GMDS: variants seen among roughly 807,000 people sequenced by gnomAD.
The protein encoded by GMDS is GDP-mannose 4,6-dehydratase.
Under a neutral mutation model 49.9 loss-of-function variants are expected in GMDS, and 20 were observed. That is an observed-to-expected ratio of 0.40 (90% CI 0.28 to 0.58). The LOEUF (loss-of-function observed/expected upper bound fraction) is 0.58. Ranked by LOEUF, GMDS falls within the 20% of genes least tolerant of loss-of-function variation. The pLI, the probability that GMDS is intolerant of heterozygous loss-of-function variation, is 0.42. For missense variants in GMDS, 362 were observed against 481.4 expected, an observed-to-expected ratio of 0.75 and a Z score of 2.32; for synonymous variants, 177 against 178.6, an observed-to-expected ratio of 0.99 and a Z score of 0.07.
intron 4 of GMDS, among the ~76,000 whole-genome samples, chr6:1,963,808 C>T (rs868118412): frequency 2.6e-5 from 4 of 152,252 alleles, no homozygotes; most frequent in Admixed American, 6.5e-5. Context: ...TTCCCCTGGC[C>T]GTAGTTTCCT....
intron 4 of GMDS, among the ~76,000 whole-genome samples, chr6:2,072,512 T>C (rs972677242): frequency 6.6e-6 from 1 of 152,196 alleles, no homozygotes; most frequent in Non-Finnish European, 1.5e-5. Context: ...TTTAGTTTCA[T>C]AGGAGTAGGG....
At chr6:2,115,726 A>G (rs146636664) in intron 4 of GMDS, 45 bp downstream of exon 4, 74 of 974,176 alleles carry the variant, frequency 7.6e-5, no homozygotes, top group Non-Finnish European at 1.2e-4. Context: ...AAAATACAGA[A>G]CGCCACAGAA....
intron 1 of GMDS, among the ~76,000 whole-genome samples, chr6:2,236,221 A>C (rs1167182561): frequency 9.2e-5 from 14 of 152,200 alleles, no homozygotes; most frequent in Non-Finnish European, 4.4e-5. Flanking sequence ...AGACCCACCC[A>C]GCCACCGTGT....
chr6:1,904,175 AC>A (rs1760640062), intron 7 of GMDS, among the ~76,000 whole-genome samples: 1 of 152,164 alleles, frequency 6.6e-6, no homozygotes, highest in Admixed American at 6.5e-5. Context: ...CCATTTTAAA[AC>A]CCTAAGATTT....
intron 9 of GMDS, among the ~76,000 whole-genome samples, chr6:1,699,866 G>A (rs577734938): frequency 4.4e-4 from 67 of 152,266 alleles, no homozygotes; most frequent in African/African-American, 1.6e-3. Flanking sequence ...GCAGCACGCC[G>A]TCTGCTGTGA....
chr6:1,833,735 G>A lies in GMDS; in HGVS notation c.772-91149C>T, dbSNP rs1756787999. 6.6e-6 allele frequency among the ~76,000 whole-genome samples: 1 copy of A among 152,142 alleles called. No individual in the cohort carries two copies. The highest frequency in any genetic ancestry group is 6.5e-5 in the Admixed American group (1 of 15,278). On this transcript the variant is annotated intron_variant, in intron 7 of 10. Transcript: ENST00000380815. The surrounding 1 kb of genome is among the most constrained non-coding windows in gnomAD (Gnocchi z 4.4). ...TTAAAAAACCATTTTCACATGGAAG[G>A]GCAGTGGGTTGAAAGATCCTCATTA...
chr6:1,809,141 A>G (rs1424765986), intron 7 of GMDS, among the ~76,000 whole-genome samples: 3 of 152,214 alleles, frequency 2.0e-5, no homozygotes, highest in Non-Finnish European at 4.4e-5. Flanking sequence ...TTTTTTCAAC[A>G]TAAATTCATT....
Position 1,639,176 on chromosome 6 carries a change from G to A in GMDS, c.988-14636C>T, listed in dbSNP as rs6901730. On this transcript the variant is annotated intron_variant, in intron 9 of 10. Transcript: ENST00000380815. ...GAGCAGGAGCGGAGGAGAGAGGGCT[G>A]TGTGGTGGCCTCCACAACGCACCAT... Among the ~76,000 whole-genome samples, 342 of 152,276 alleles carry A rather than the reference G, an allele frequency of 2.2e-3. 2 individuals are homozygous for A. Among genetic ancestry groups the A allele is most frequent in the African/African-American group, 7.9e-3 (329 of 41,558 alleles).
At chr6:2,106,268 A>G (rs1298054208) in intron 4 of GMDS, among the ~76,000 whole-genome samples, 1 of 152,248 alleles carries the variant, frequency 6.6e-6, no homozygotes, top group Non-Finnish European at 1.5e-5. Flanking sequence ...AGTACAAAGT[A>G]GCAGAAAAAA....
In GMDS at chr6:2,115,757, A is replaced by G. The variant is rs765962520; in HGVS notation, c.345+14T>C. The G allele has an allele frequency of 1.0e-5, 14 of 1,355,170 alleles. No homozygotes were observed. The highest frequency in any genetic ancestry group is 2.3e-5 in the East Asian group (1 of 43,744). The allele number at this position is 1,355,170 out of a possible 1,614,324, so 83.9% of individuals were successfully genotyped here. On this transcript the variant is annotated intron_variant, in intron 4 of 10. Coordinates refer to ENST00000380815, the MANE Select transcript of GMDS (RefSeq NM_001500.4). Reference sequence around the variant, plus strand: ...CAGAAACACGGCCAGAGAAATCCCAATGAAAATGCTTACTTTGACGTGGCT... The same window carrying G: ...CAGAAACACGGCCAGAGAAATCCCAGTGAAAATGCTTACTTTGACGTGGCT...
intron 2 of GMDS, among the ~76,000 whole-genome samples, chr6:2,118,008 T>C (rs1485374332): frequency 6.6e-6 from 1 of 152,216 alleles, no homozygotes; most frequent in South Asian, 2.1e-4. Flanking sequence ...ATCTACTGTA[T>C]GTATTTCTGG....
intron 9 of GMDS, among the ~76,000 whole-genome samples, chr6:1,626,646 C>T (rs1762856253): frequency 6.6e-6 from 1 of 152,188 alleles, no homozygotes; most frequent in Admixed American, 6.5e-5. Flanking sequence ...TGTTTAATCA[C>T]ATCACACTGG....
chr6:2,085,571 C>G (rs1256018160), intron 4 of GMDS, among the ~76,000 whole-genome samples: 1 of 152,102 alleles, frequency 6.6e-6, no homozygotes, highest in Non-Finnish European at 1.5e-5. Flanking sequence ...ACTCTGTCAT[C>G]CAGGCTGGAG....
At chr6:1,695,938 T>A (rs1159756170) in intron 9 of GMDS, among the ~76,000 whole-genome samples, 8 of 148,082 alleles carry the variant, frequency 5.4e-5, no homozygotes, top group South Asian at 4.3e-4. Context: ...TTTTTTTTTT[T>A]AATTTTAGCT....
At chr6:1,777,759 CA>C (rs1768898339) in intron 7 of GMDS, among the ~76,000 whole-genome samples, 2 of 152,160 alleles carry the variant, frequency 1.3e-5, no homozygotes, top group Admixed American at 1.3e-4. Context: ...GGAGGGATAG[CA>C]AGAGGGTATA....
At chr6:1,970,831 G>A (rs1764563919) in intron 4 of GMDS, among the ~76,000 whole-genome samples, 1 of 152,178 alleles carries the variant, frequency 6.6e-6, no homozygotes, top group African/African-American at 2.4e-5. Flanking sequence ...AGAGCATCAG[G>A]ATAAATAGCT....
At chr6:1,708,870 T>A (rs907142803) in intron 9 of GMDS, among the ~76,000 whole-genome samples, 1 of 152,212 alleles carries the variant, frequency 6.6e-6, no homozygotes, top group African/African-American at 2.4e-5. Context: ...AGTAAGTGTG[T>A]CCAGTCATAC....
At chr6:1,849,828 GAC>G (rs1363241486) in intron 7 of GMDS, among the ~76,000 whole-genome samples, 1 of 152,140 alleles carries the variant, frequency 6.6e-6, no homozygotes, top group Non-Finnish European at 1.5e-5. Flanking sequence ...ATATTATGGT[GAC>G]ACAGTTTTGC....
At chr6:2,057,082 T>C (rs1581583527) in intron 4 of GMDS, among the ~76,000 whole-genome samples, 2 of 152,328 alleles carry the variant, frequency 1.3e-5, no homozygotes, top group Admixed American at 1.3e-4. Context: ...AATAAAACAA[T>C]GTGTTTGTCA....
Sources: allele counts gnomAD v4.1 joint callset (sites outside exome capture counted in the v4.1 genomes callset), GRCh38; gene constraint gnomAD v4.1.1; non-coding constraint Gnocchi (gnomAD v3.1); transcripts MANE v1.5; gene names NCBI Gene and HGNC (gene_info 2026-07-23, HGNC 2026-07-21).